The following RADIL variants were observed in gnomAD, a reference collection of about 807,000 sequenced individuals.
RADIL encodes Rap associating with DIL domain, also known as ras-associating and dilute domain-containing protein.
In RADIL, 99 loss-of-function variants were observed where a neutral mutation model predicts 97.6. The ratio of observed to expected loss-of-function variants is 1.01; its 90% confidence interval spans 0.86 to 1.20. The LOEUF is 1.20. RADIL is among the 50% of genes most tolerant of loss of function. The pLI, the probability that RADIL is intolerant of heterozygous loss-of-function variation, is 0.00. For missense variants in RADIL, 1,765 were observed against 1,498.9 expected, an observed-to-expected ratio of 1.18 and a Z score of -2.93; for synonymous variants, 803 against 691.8, an observed-to-expected ratio of 1.16 and a Z score of -2.52.
In RADIL at chr7:4,817,723, G is replaced by A. The variant is rs369858976; in HGVS notation, c.1616-372C>T. On this transcript the variant is annotated intron_variant, in intron 6 of 14. Transcript: ENST00000399583. The surrounding 1 kb of genome is among the most constrained non-coding windows in gnomAD (Gnocchi z 8.3). ...CCTCCCCACAGGTCACCTCTCACTC[G>A]CGACACGGGTCACAGGACTCTGGCA... Among the ~76,000 whole-genome samples, 13 of 152,108 alleles carry A rather than the reference G, an allele frequency of 8.5e-5. No homozygotes were observed. The highest frequency in any genetic ancestry group is 1.6e-4 in the Non-Finnish European group (11 of 68,012).
At chr7:4,861,934 C>T (rs1054054852) in intron 2 of RADIL, 10 of 541,958 alleles carry the variant, frequency 1.8e-5, no homozygotes, top group Non-Finnish European at 2.7e-5. Flanking sequence ...GACCCCACTC[C>T]CACTCCCGCT....
intron 11 of RADIL, among the ~76,000 whole-genome samples, chr7:4,803,141 CTCTG>C (rs1195780072): frequency 4.5e-4 from 28 of 62,346 alleles, no homozygotes; most frequent in Non-Finnish European, 5.7e-4. Context: ...CCTCGGGGCA[CTCTG>C]GCTGGGTCCC....
chr7:4,865,952 T>C (rs1784121889), intron 2 of RADIL: 5 of 576,886 alleles, frequency 8.7e-6, no homozygotes, highest in Admixed American at 6.0e-5. Context: ...CTAGGAGCAA[T>C]AGGCTATGCC....
intron 1 of RADIL, chr7:4,882,028 G>T (rs1270034937): frequency 6.6e-6 from 1 of 151,968 alleles, no homozygotes; most frequent in African/African-American, 2.4e-5. Context: ...TGAAACAGGA[G>T]AAAATGTAAG....
At position 4,832,936 on chromosome 7, in the gene RADIL, C is replaced by G. The variant is rs1485439395; in HGVS notation, c.1417-758G>C. 5.9e-5 allele frequency among the ~76,000 whole-genome samples: 9 copies of G among 152,152 alleles called. 1 individual carries two copies. The highest frequency in any genetic ancestry group is 5.2e-4 in the Admixed American group (8 of 15,264). Reference sequence around the variant, plus strand: ...AAATGATATTCGCATGGGATCTGGACAGCACCCAGCGGAGGCTTCGGATTC... The same window carrying G: ...AAATGATATTCGCATGGGATCTGGAGAGCACCCAGCGGAGGCTTCGGATTC... On this transcript the variant is annotated intron_variant, in intron 4 of 14. Coordinates refer to ENST00000399583, the MANE Select transcript of RADIL (RefSeq NM_018059.5).
At chr7:4,861,426 C>T (rs1261638430) in intron 2 of RADIL, 3 of 1,614,138 alleles carry the variant, frequency 1.9e-6, no homozygotes, top group Non-Finnish European at 1.7e-6. Flanking sequence ...GTGAAAAAGT[C>T]GCTTCGATCC....
rs1377869598 is a variant in RADIL, at chr7:4,837,483, C to T, written c.536-878G>A. Among the ~76,000 whole-genome samples the T allele has an allele frequency of 2.6e-5, 4 of 152,354 alleles. No individual in the cohort carries two copies. Among genetic ancestry groups the T allele is most frequent in the African/African-American group, 9.6e-5 (4 of 41,590 alleles). On this transcript the variant is annotated intron_variant, in intron 2 of 14. Transcript: ENST00000399583. This position sits in a 1 kb window ranked among gnomAD's most constrained non-coding sequence, Gnocchi z 5.6. Reference sequence around the variant, plus strand: ...GGCTGCCGATGGCCTGCTCCTGCAACAGCATCGCTGCCTCCTTCCCAAGGC... The same window carrying T: ...GGCTGCCGATGGCCTGCTCCTGCAATAGCATCGCTGCCTCCTTCCCAAGGC...
chr7:4,815,202 T>C lies in RADIL; in HGVS notation c.2139+76A>G. 7.0e-7 allele frequency: 1 copy of C among 1,428,704 alleles called. No individual in the cohort carries two copies. The allele number at this position is 1,428,704 out of a possible 1,614,324, so 88.5% of individuals were successfully genotyped here. ...GAAGCCCCGTCCCGGCCCCCAGGCT[T>C]GGTTTGTGAGCCAGGGACCCACAGC... is the stretch of plus-strand genomic sequence containing the variant. On this transcript the variant is annotated intron_variant, in intron 9 of 14. Transcript: ENST00000399583. This position sits in a 1 kb window ranked among gnomAD's most constrained non-coding sequence, Gnocchi z 8.0.
chr7:4,860,531 T>C (rs375048175), intron 2 of RADIL: 2 of 1,614,098 alleles, frequency 1.2e-6, no homozygotes, highest in Non-Finnish European at 1.7e-6. Context: ...ATCAGGATTT[T>C]CTTTGGGTGC....
chr7:4,868,212 G>C (rs28515084), intron 2 of RADIL, among the ~76,000 whole-genome samples: 2 of 151,976 alleles, frequency 1.3e-5, no homozygotes, highest in South Asian at 4.2e-4. Flanking sequence ...ACAGGCGCCC[G>C]CCACCACACC....
In RADIL at chr7:4,813,834, T is replaced by A. The variant is rs757137724; in HGVS notation, c.2139+1444A>T. On this transcript the variant is annotated intron_variant, in intron 9 of 14. Transcript: ENST00000399583. This position sits in a 1 kb window ranked among gnomAD's most constrained non-coding sequence, Gnocchi z 5.0. ...GCTTGCCACAATGTCTATCAACTGTTCTTCTGTTTTAGCCCCATCTTGACA... is the reference window on the plus strand; with the variant it reads ...GCTTGCCACAATGTCTATCAACTGTACTTCTGTTTTAGCCCCATCTTGACA... Among the ~76,000 whole-genome samples, 7 of 152,214 alleles carry A rather than the reference T, an allele frequency of 4.6e-5. No homozygotes were observed. The highest frequency in any genetic ancestry group is 1.0e-4 in the Non-Finnish European group (7 of 68,042).
intron 10 of RADIL, 82 bp from the exon 11 acceptor site, chr7:4,803,836 A>T (rs1416432517): frequency 7.7e-7 from 1 of 1,292,510 alleles, no homozygotes; most frequent in East Asian, 2.5e-5. Flanking sequence ...CGGTGTGGGA[A>T]CCCAGGGGCC....
In RADIL at chr7:4,878,210, G is replaced by A. The variant is rs1188309918; in HGVS notation, c.-64-7C>T. 1.4e-6 allele frequency: 2 copies of A among 1,416,192 alleles called. No individual in the cohort carries two copies. The highest frequency in any genetic ancestry group is 2.9e-5 in the African/African-American group (2 of 69,096). The allele number at this position is 1,416,192 out of a possible 1,614,324, so 87.7% of individuals were successfully genotyped here. ...GATGTGGGGAGGCCGTGACCTGGGTGAAAAAGTGAGAGAGGTTAGCGCCAA... is the reference window on the plus strand; with the variant it reads ...GATGTGGGGAGGCCGTGACCTGGGTAAAAAAGTGAGAGAGGTTAGCGCCAA... On this transcript the variant is annotated splice_polypyrimidine_tract_variant and splice_region_variant and intron_variant, in intron 1 of 14. Transcript: ENST00000399583. The surrounding 1 kb of genome is among the most constrained non-coding windows in gnomAD (Gnocchi z 4.1).
At chr7:4,845,318 G>A (rs1783541611) in intron 2 of RADIL, among the ~76,000 whole-genome samples, 1 of 152,108 alleles carries the variant, frequency 6.6e-6, no homozygotes, top group South Asian at 2.1e-4. Context: ...CTCAGGAGGT[G>A]GAAGCAGGAG....
chr7:4,802,017 G>A (rs768372074), intron 11 of RADIL, 22 bp from the exon 12 acceptor site: 26 of 1,474,210 alleles, frequency 1.8e-5, no homozygotes, highest in Middle Eastern at 4.1e-4. Flanking sequence ...AAGGGTGACA[G>A]CTCAGGTAGA....
intron 1 of RADIL, among the ~76,000 whole-genome samples, chr7:4,881,097 C>G (rs10261293): frequency 0.11 from 9,412 of 86,362 alleles, 716 homozygotes; most frequent in African/African-American, 0.23. Context: ...GAGACCCTCT[C>G]TGTTAAAAAA....
In RADIL at chr7:4,808,222, GC is replaced by G. The variant is rs796073402; in HGVS notation, c.2140-2507del. Among the ~76,000 whole-genome samples, 10 of 124,258 alleles carry G rather than the reference GC, an allele frequency of 8.0e-5. No homozygotes were observed. In the South Asian group the frequency reaches 2.8e-3, roughly 35 times the overall value. The allele number at this position is 124,258 out of a possible 152,430, so 81.5% of individuals were successfully genotyped here. ...CTCCTCCCTACCCTGGCATCCCTCC[GC>G]CCCCTCTCTCTCCCCGCTCCTCACC... On this transcript the variant is annotated intron_variant, in intron 9 of 14. Coordinates refer to ENST00000399583, the MANE Select transcript of RADIL (RefSeq NM_018059.5).
chr7:4,837,686 A>T lies in RADIL; in HGVS notation c.536-1081T>A. On this transcript the variant is annotated intron_variant, in intron 2 of 14. Coordinates refer to ENST00000399583, the MANE Select transcript of RADIL (RefSeq NM_018059.5). This position sits in a 1 kb window ranked among gnomAD's most constrained non-coding sequence, Gnocchi z 5.6. ...CAACACACATGCACCCACACACATT[A>T]ACACATACATGCACACAAACATGCG... The T allele has an allele frequency of 2.7e-6, 1 of 374,818 alleles. No homozygotes were observed. Among genetic ancestry groups the T allele is most frequent in the Non-Finnish European group, 3.7e-6 (1 of 272,046 alleles). 23.2% of individuals were successfully genotyped at this position (374,818 alleles called of 1,614,324 possible). A position where few individuals can be genotyped will look rare whatever the true frequency, so the allele number is the denominator to read the frequency against.
At chr7:4,808,457 C>T (rs1468243374) in intron 9 of RADIL, 1 of 425,724 alleles carries the variant, frequency 2.3e-6, no homozygotes, top group African/African-American at 2.2e-5. Context: ...GGTCATCAAA[C>T]TAGGGCCAGC....
Sources: allele counts gnomAD v4.1 joint callset (sites outside exome capture counted in the v4.1 genomes callset), GRCh38; gene constraint gnomAD v4.1.1; non-coding constraint Gnocchi (gnomAD v3.1); transcripts MANE v1.5; gene names NCBI Gene and HGNC (gene_info 2026-07-23, HGNC 2026-07-21).